Variants in GPR35 observed in about 807,000 individuals in gnomAD.
GPR35 encodes G protein-coupled receptor 35.
For synonymous variants in GPR35, 207 were observed against 198.4 expected (o/e 1.04, Z -0.36); for missense variants, 372 against 422.5 (o/e 0.88, Z 1.05).
chr2:240,606,631 CA>C (rs1559431383), intron 2 of GPR35: 2 of 152,192 alleles, frequency 1.3e-5, no homozygotes, highest in Non-Finnish European at 2.9e-5. Flanking sequence ...TTGACTCAGA[CA>C]GGGGGTTCAT....
intron 2 of GPR35, among the ~76,000 whole-genome samples, chr2:240,611,304 G>A (rs1229078849): frequency 1.3e-5 from 2 of 152,062 alleles, no homozygotes; most frequent in African/African-American, 4.8e-5. Context: ...GTTTACCTCA[G>A]TCACATTTAA....
chr2:240,617,086 A>G (rs1247497484), intron 3 of GPR35: 3 of 713,900 alleles, frequency 4.2e-6, no homozygotes, highest in East Asian at 5.4e-5. Flanking sequence ...AACTCTACCA[A>G]CAGCCACCTG....
Position 240,632,746 on chromosome 2 carries a change from A to G in GPR35, c.*1864A>G, listed in dbSNP as rs2043463756. Among the ~76,000 whole-genome samples, 1 of 151,800 alleles carries G rather than the reference A, an allele frequency of 6.6e-6. No homozygotes were observed. The highest frequency in any genetic ancestry group is 1.5e-5 in the Non-Finnish European group (1 of 67,916). ...GCCCAGGAGGGTCCATGCCCAGGCC[A>G]GTTCATGCACAGGAGGGCCCCATGC... On this transcript the variant is annotated 3_prime_UTR_variant, in exon 2 of 2. Coordinates refer to ENST00000407714, the MANE Select transcript of GPR35 (RefSeq NM_005301.5).
intron 1 of GPR35, among the ~76,000 whole-genome samples, chr2:240,626,007 G>T (rs74213786): frequency 7.3e-5 from 6 of 82,148 alleles, no homozygotes; most frequent in African/African-American, 2.0e-4. Flanking sequence ...CTGTGATGGG[G>T]TCTCAGAGTG....
chr2:240,616,578 A>C (rs151319115), intron 3 of GPR35: 19 of 741,066 alleles, frequency 2.6e-5, no homozygotes, highest in Middle Eastern at 2.3e-4. Flanking sequence ...CAGGGGGCTC[A>C]TGATATCTGG....
intron 2 of GPR35, among the ~76,000 whole-genome samples, chr2:240,614,163 A>T (rs1252898414): frequency 6.6e-6 from 1 of 151,960 alleles, no homozygotes; most frequent in East Asian, 1.9e-4. Context: ...CACTAACCCT[A>T]ACTCCAACCC....
upstream of GPR35, among the ~76,000 whole-genome samples, chr2:240,623,405 C>CAAACAGGTCGTGAGGGT (rs1559437643): frequency 2.6e-5 from 1 of 39,062 alleles, no homozygotes; most frequent in Non-Finnish European, 6.2e-5. Flanking sequence ...GTCGTGAGGG[C>CAAACAGGTCGTGAGGGT]GCAAACAGAT....
chr2:240,626,534 G>C (rs2043380832), intron 1 of GPR35, among the ~76,000 whole-genome samples: 1 of 152,094 alleles, frequency 6.6e-6, no homozygotes, highest in Non-Finnish European at 1.5e-5. Flanking sequence ...ATGAAGACTT[G>C]GAGCCTGTGT....
intron 2 of GPR35, among the ~76,000 whole-genome samples, chr2:240,608,793 G>A (rs1056151289): frequency 6.6e-6 from 1 of 152,080 alleles, no homozygotes; most frequent in Non-Finnish European, 1.5e-5. Context: ...TTCTGATGTG[G>A]TTAAGATTGG....
chr2:240,610,143 A>G (rs896976366), intron 2 of GPR35, among the ~76,000 whole-genome samples: 2 of 152,014 alleles, frequency 1.3e-5, no homozygotes, highest in African/African-American at 4.8e-5. Flanking sequence ...TATTTTTAGT[A>G]GAGACGGGGT....
chr2:240,616,605 C>G (rs1422706886), intron 3 of GPR35: 1 of 696,272 alleles, frequency 1.4e-6, no homozygotes, highest in African/African-American at 1.8e-5. Context: ...CTTTGTGAGG[C>G]CAGCAGCCAC....
At chr2:240,629,812 A>T in intron 1 of GPR35, 137 bp from the exon 2 acceptor site, 1 of 694,464 alleles carries the variant, frequency 1.4e-6, no homozygotes, top group Non-Finnish European at 2.4e-6. Context: ...GCTTTCTTTG[A>T]GGAGTTTTGT....
intron 1 of GPR35, among the ~76,000 whole-genome samples, chr2:240,626,091 C>CA (rs1559438795): frequency 2.7e-3 from 99 of 36,018 alleles, no homozygotes; most frequent in Middle Eastern, 0.016. Flanking sequence ...GAGGCTGTGA[C>CA]GGGGTCTCAG....
upstream of GPR35, among the ~76,000 whole-genome samples, chr2:240,622,766 G>C (rs1300172643): frequency 6.6e-6 from 1 of 152,188 alleles, no homozygotes; most frequent in Non-Finnish European, 1.5e-5. Flanking sequence ...GGTGAAGTGG[G>C]AGGGGCTGGC....
chr2:240,623,944 C>A (rs1255809780), upstream of GPR35, among the ~76,000 whole-genome samples: 1 of 151,688 alleles, frequency 6.6e-6, no homozygotes, highest in Non-Finnish European at 1.5e-5. Flanking sequence ...GTGCCCCAGG[C>A]CACTGCTGGG....
upstream of GPR35, chr2:240,625,304 CCGG>C (rs1438979343): frequency 1.0e-6 from 1 of 985,380 alleles, no homozygotes; most frequent in Non-Finnish European, 1.2e-6. Context: ...GCACAGGCAG[CCGG>C]CACCCCACTT....
At chr2:240,623,850 C>A (rs2043336815), upstream of GPR35, among the ~76,000 whole-genome samples, 1 of 152,220 alleles carries the variant, frequency 6.6e-6, no homozygotes, top group Non-Finnish European at 1.5e-5. Flanking sequence ...ACCATGTGGC[C>A]CTGCCCAGTG....
chr2:240,630,159 G>A lies in GPR35; in HGVS notation c.207G>A (p.Leu69=), dbSNP rs942020654. 3.8e-6 allele frequency: 6 copies of A among 1,596,782 alleles called. No individual in the cohort carries two copies. Among genetic ancestry groups the A allele is most frequent in the Non-Finnish European group, 5.1e-6 (6 of 1,174,832 alleles). Residue 69 remains leucine, a synonymous_variant, in exon 2 of 2, where the codon CTG becomes CTA. Coordinates refer to ENST00000407714, the MANE Select transcript of GPR35 (RefSeq NM_005301.5). ...MTNLAVADLC[L]LCTLPFVLHS... ...ACCTGGCGGTGGCCGACCTCTGCCTGCTGTGCACCTTGCCCTTCGTGCTGC... is the reference window on the plus strand; with the variant it reads ...ACCTGGCGGTGGCCGACCTCTGCCTACTGTGCACCTTGCCCTTCGTGCTGC...
rs542728996 is a variant in GPR35 at position 240,631,818 on chromosome 2, G to A, written c.*936G>A. On this transcript the variant is annotated 3_prime_UTR_variant, in exon 2 of 2. Coordinates refer to ENST00000407714, the MANE Select transcript of GPR35 (RefSeq NM_005301.5). ...ACCTCCTGTGAGTGTGGGCCAGCACGGCCTGGGCTCAAACCCCATCCTGTC... is the reference window on the plus strand; with the variant it reads ...ACCTCCTGTGAGTGTGGGCCAGCACAGCCTGGGCTCAAACCCCATCCTGTC... Among the ~76,000 whole-genome samples the A allele has an allele frequency of 5.9e-5, 9 of 152,326 alleles. No homozygotes were observed. The highest frequency in any genetic ancestry group is 4.1e-4 in the South Asian group (2 of 4,832).
Sources: gnomAD v4.1 joint callset for allele counts (sites outside exome capture counted in the v4.1 genomes callset) on GRCh38, gnomAD v4.1.1 for gene constraint, MANE v1.5 for transcripts, NCBI Gene and HGNC (gene_info 2026-07-23, HGNC 2026-07-21) for gene names.